The following SLC14A2 variants were observed in gnomAD, a reference collection of about 807,000 sequenced individuals.
SLC14A2 encodes solute carrier family 14 member 2, also known as urea transporter 2.
A neutral mutation model predicts 104.6 loss-of-function variants in SLC14A2; 91 were observed. The observed-to-expected ratio is 0.87, with a 90% CI of 0.73 to 1.04. The LOEUF is 1.04. Ranked by LOEUF, SLC14A2 falls within the 50% of genes least tolerant of loss-of-function variation. The probability of loss-of-function intolerance (pLI) is 0.00; values close to 1 mark genes in which losing one functional copy is unlikely to be tolerated. For missense variants in SLC14A2, 1,189 were observed against 1,156.0 expected (o/e 1.03, Z -0.41); for synonymous variants, 476 against 466.4 (o/e 1.02, Z -0.27).
chr18:45,376,067 A>C (rs959191610), intron 1 of SLC14A2, among the ~76,000 whole-genome samples: 13 of 151,912 alleles, frequency 8.6e-5, no homozygotes, highest in African/African-American at 3.1e-4. Context: ...CACACCCCCG[A>C]CATGGACATT....
chr18:45,577,991 T>C (rs545411622), intron 2 of SLC14A2, among the ~76,000 whole-genome samples: 1 of 152,322 alleles, frequency 6.6e-6, no homozygotes, highest in African/African-American at 2.4e-5. Flanking sequence ...TCCACTTCCA[T>C]GGATAACTCA....
chr18:45,190,248 C>T, the SLC14A2 span, among the ~76,000 whole-genome samples: 5 of 152,146 alleles, frequency 3.3e-5, no homozygotes, highest in Non-Finnish European at 7.3e-5. Flanking sequence ...CAATCTCTTC[C>T]TTTAGATCTT....
chr18:45,323,981 GC>G (rs2085209765), intron 1 of SLC14A2, among the ~76,000 whole-genome samples: 1 of 152,166 alleles, frequency 6.6e-6, no homozygotes, highest in South Asian at 2.1e-4. Flanking sequence ...AAGTTTAATG[GC>G]CATAGGGAAG....
Position 45,491,982 on chromosome 18 carries a change from G to T in SLC14A2, c.-35+8660G>T, listed in dbSNP as rs571174791. The T allele has an allele frequency of 7.2e-5, 11 of 152,360 alleles. No individual in the cohort carries two copies. In the South Asian group the frequency reaches 2.3e-3, roughly 32 times the overall value. 9.4% of individuals were successfully genotyped at this position (152,360 alleles called of 1,614,324 possible). A position where few individuals can be genotyped will look rare whatever the true frequency, so the allele number is the denominator to read the frequency against. ...CAATTTAAAGGAAGTCCAGAAGTAC[G>T]CAGTACGGGGCTAGGATGGTGGCTC... On this transcript the variant is annotated intron_variant, in intron 2 of 20. Transcript: ENST00000586448.
chr18:45,605,820 G>T (rs1213910815), intron 2 of SLC14A2, among the ~76,000 whole-genome samples: 1 of 152,112 alleles, frequency 6.6e-6, no homozygotes, highest in Non-Finnish European at 1.5e-5. Flanking sequence ...GTTATCAGGA[G>T]CCTAGCATGG....
rs748272195 is a variant in SLC14A2 at position 45,682,519 on chromosome 18, A to G, written c.2763A>G (p.Ter921=). The G allele has an allele frequency of 1.2e-6, 2 of 1,613,242 alleles. No individual in the cohort carries two copies. Among genetic ancestry groups the G allele is most frequent in the South Asian group, 2.2e-5 (2 of 91,050 alleles). The change falls in exon 20 of 20, where the codon TAA becomes TAG. Residue 921 remains the stop codon, a stop_retained_variant. Coordinates refer to ENST00000255226, the MANE Select transcript of SLC14A2 (RefSeq NM_007163.4). ...ITKYQAYDVS[*] is the part of the protein sequence containing the mutation. ...AGTATCAGGCCTACGATGTCTCCTA[A>G]GTTTCCCTGTCTAAAACACATCAGT...
At position 45,240,579 on chromosome 18, in the gene SLC14A2, T is replaced by C. The variant is rs554780975; in HGVS notation, c.-125+27388T>C. On this transcript the variant is annotated intron_variant, in intron 1 of 20. Transcript: ENST00000586448. ...ATACCCATTTTACAGATGAGGAAACTGAGGCACAGAAAAGTTAAGCAATTT... is the reference window on the plus strand; with the variant it reads ...ATACCCATTTTACAGATGAGGAAACCGAGGCACAGAAAAGTTAAGCAATTT... 9.2e-5 allele frequency among the ~76,000 whole-genome samples: 14 copies of C among 152,204 alleles called. No individual in the cohort carries two copies. In the South Asian group the frequency reaches 2.9e-3, roughly 32 times the overall value.
chr18:45,625,099 T>C (rs1159016156), intron 2 of SLC14A2, among the ~76,000 whole-genome samples: 1 of 152,180 alleles, frequency 6.6e-6, no homozygotes, highest in Non-Finnish European at 1.5e-5. Context: ...ACTACCCTAC[T>C]GTCTCCAAAG....
intron 2 of SLC14A2, among the ~76,000 whole-genome samples, chr18:45,575,733 A>G (rs927347673): frequency 6.6e-6 from 1 of 152,204 alleles, no homozygotes; most frequent in Non-Finnish European, 1.5e-5. Flanking sequence ...ATAAATCAAA[A>G]TAGTTGAAGG....
At chr18:45,241,363 T>G (rs1394687445) in intron 1 of SLC14A2, among the ~76,000 whole-genome samples, 1 of 152,194 alleles carries the variant, frequency 6.6e-6, no homozygotes. Context: ...AATGAAGATT[T>G]AGGAGGCCAG....
At chr18:45,525,993 G>T (rs1180984413) in intron 2 of SLC14A2, among the ~76,000 whole-genome samples, 2 of 152,128 alleles carry the variant, frequency 1.3e-5, no homozygotes. Flanking sequence ...AAGCAAAAAG[G>T]CAAGAAAATT....
chr18:45,378,632 C>T (rs572622037), intron 1 of SLC14A2, among the ~76,000 whole-genome samples: 3 of 152,196 alleles, frequency 2.0e-5, no homozygotes, highest in African/African-American at 7.2e-5. Context: ...GTTTGTATTA[C>T]CGTTCCTGCT....
chr18:45,591,089 A>C (rs2044640346), intron 2 of SLC14A2, among the ~76,000 whole-genome samples: 1 of 152,110 alleles, frequency 6.6e-6, no homozygotes, highest in East Asian at 1.9e-4. Context: ...CATGTCAGTC[A>C]CTGAGGTCTT....
At chr18:45,310,379 T>C (rs1039790602) in intron 1 of SLC14A2, among the ~76,000 whole-genome samples, 3 of 152,244 alleles carry the variant, frequency 2.0e-5, no homozygotes, top group Non-Finnish European at 4.4e-5. Flanking sequence ...CTGATAGGTA[T>C]GATCATCATT....
chr18:45,531,347 C>T (rs1282211558), intron 2 of SLC14A2, among the ~76,000 whole-genome samples: 5 of 151,938 alleles, frequency 3.3e-5, no homozygotes, highest in African/African-American at 1.2e-4. Flanking sequence ...TTCTCCACAT[C>T]CTCTCCAGCA....
intron 1 of SLC14A2, among the ~76,000 whole-genome samples, chr18:45,289,712 G>C (rs1355637955): frequency 6.6e-6 from 1 of 152,186 alleles, no homozygotes; most frequent in Non-Finnish European, 1.5e-5. Flanking sequence ...TTCTCCCTGG[G>C]CTGAGCAGAA....
At chr18:45,653,687 G>T (rs149073737) in intron 10 of SLC14A2, among the ~76,000 whole-genome samples, 1 of 152,090 alleles carries the variant, frequency 6.6e-6, no homozygotes, top group Non-Finnish European at 1.5e-5. Flanking sequence ...TGCTCTGAGA[G>T]GGTCCTGCAG....
At chr18:45,357,116 A>C (rs2085562114) in intron 1 of SLC14A2, among the ~76,000 whole-genome samples, 1 of 152,122 alleles carries the variant, frequency 6.6e-6, no homozygotes, top group African/African-American at 2.4e-5. Flanking sequence ...ATGAGGAGAG[A>C]GGAAGCTACA....
In SLC14A2 at chr18:45,632,424, A is replaced by G; in HGVS notation, c.596A>G (p.Lys199Arg). 1 of 1,614,084 alleles carries G rather than the reference A, an allele frequency of 6.2e-7. No individual in the cohort carries two copies. The highest frequency in any genetic ancestry group is 8.5e-7 in the Non-Finnish European group (1 of 1,179,986). Residue 199 changes from lysine to arginine, a missense_variant, in exon 5 of 20, where the codon AAG (lysine) becomes AGG (arginine). Lys to Arg is a conservative substitution (Grantham distance 26). Coordinates refer to ENST00000255226, the MANE Select transcript of SLC14A2 (RefSeq NM_007163.4). ...CTGCTGATGGCCGTGTTCTCGGAGA[A>G]GTTAGACTACTACTGGTGGCTTCTG... is the stretch of plus-strand genomic sequence containing the variant. The part of the protein sequence containing the change: ...VGLLMAVFSE[K>R]LDYYWWLLFP...
Sources: allele counts gnomAD v4.1 joint callset (sites outside exome capture counted in the v4.1 genomes callset), GRCh38; gene constraint gnomAD v4.1.1; transcripts MANE v1.5; gene names NCBI Gene and HGNC (gene_info 2026-07-23, HGNC 2026-07-21).